The following MAGI1 variants were observed in gnomAD, a reference collection of about 807,000 sequenced individuals.
The protein encoded by MAGI1 is membrane associated guanylate kinase, WW and PDZ domain containing 1, also known as membrane-associated guanylate kinase, WW and PDZ domain-containing protein 1.
In MAGI1, 58 loss-of-function variants were observed where a neutral mutation model predicts 139.9. The observed-to-expected ratio is 0.41, with a 90% CI of 0.34 to 0.52. The LOEUF is 0.52. Ranked by LOEUF, MAGI1 falls within the 20% of genes least tolerant of loss-of-function variation. The pLI is 0.12. For missense variants in MAGI1, 1,874 were observed against 1,901.6 expected (o/e 0.99, Z 0.27); for synonymous variants, 812 against 737.9 (o/e 1.10, Z -1.63).
chr3:65,578,895 T>C (rs1253506384), intron 2 of MAGI1, among the ~76,000 whole-genome samples: 2 of 150,478 alleles, frequency 1.3e-5, no homozygotes, highest in African/African-American at 4.9e-5. Context: ...CAATCCAGCC[T>C]GGGTGACAGA....
intron 5 of MAGI1, among the ~76,000 whole-genome samples, chr3:65,463,788 C>T (rs1317859867): frequency 1.3e-5 from 2 of 152,054 alleles, no homozygotes; most frequent in Non-Finnish European, 2.9e-5. Flanking sequence ...TTATTAATTA[C>T]TGCCTCAATT....
intron 1 of MAGI1, among the ~76,000 whole-genome samples, chr3:65,674,588 TCAGA>T (rs1046159757): frequency 6.6e-6 from 1 of 152,312 alleles, no homozygotes; most frequent in Admixed American, 6.5e-5. Flanking sequence ...CTTTATGTTC[TCAGA>T]CAGTTTCAAC....
intron 1 of MAGI1, among the ~76,000 whole-genome samples, chr3:65,737,160 C>A (rs1441772799): frequency 6.6e-6 from 1 of 152,158 alleles, no homozygotes; most frequent in Non-Finnish European, 1.5e-5. Context: ...ACCGCCACCA[C>A]GCCTGGCTAA....
intron 16 of MAGI1, chr3:65,380,880 T>A (rs1351590538): frequency 1.3e-5 from 2 of 152,202 alleles, no homozygotes; most frequent in Admixed American, 6.5e-5. Flanking sequence ...GAATTTAACA[T>A]CTTAATTCTA....
intron 12 of MAGI1, among the ~76,000 whole-genome samples, chr3:65,426,022 G>T (rs1382489305): frequency 1.3e-4 from 20 of 152,148 alleles, no homozygotes; most frequent in Admixed American, 1.2e-3. Context: ...AAAATAGAAG[G>T]GTAAAAAGCA....
At chr3:65,576,483 C>A (rs941685260) in intron 2 of MAGI1, among the ~76,000 whole-genome samples, 2 of 152,166 alleles carry the variant, frequency 1.3e-5, no homozygotes, top group East Asian at 3.9e-4. Flanking sequence ...AATGGTGAAC[C>A]CGCTCTGCCA....
At chr3:65,871,601 A>T (rs941743624) in intron 1 of MAGI1, among the ~76,000 whole-genome samples, 16 of 152,236 alleles carry the variant, frequency 1.1e-4, no homozygotes, top group African/African-American at 3.9e-4. Context: ...GTACAGCTGG[A>T]AACACAGCAG....
intron 1 of MAGI1, among the ~76,000 whole-genome samples, chr3:65,802,625 C>G (rs536063699): frequency 6.6e-6 from 1 of 152,182 alleles, no homozygotes; most frequent in African/African-American, 2.4e-5. Flanking sequence ...GGTAGCAACA[C>G]TCAGGCAAGT....
intron 1 of MAGI1, among the ~76,000 whole-genome samples, chr3:65,946,539 G>A (rs192123753): frequency 3.3e-4 from 50 of 152,158 alleles, no homozygotes; most frequent in Admixed American, 7.9e-4. Flanking sequence ...CAGCATGGAC[G>A]AGAACAGCCA....
At chr3:65,884,967 T>G (rs1288190100) in intron 1 of MAGI1, among the ~76,000 whole-genome samples, 1 of 152,188 alleles carries the variant, frequency 6.6e-6, no homozygotes, top group Non-Finnish European at 1.5e-5. Context: ...TTCAGAGAGA[T>G]ATATAAGGCT....
intron 2 of MAGI1, among the ~76,000 whole-genome samples, chr3:65,508,523 C>G (rs2077402658): frequency 6.6e-6 from 1 of 151,938 alleles, no homozygotes; most frequent in Admixed American, 6.6e-5. Flanking sequence ...GAAATTGGGC[C>G]TTTTCAAACA....
intron 1 of MAGI1, among the ~76,000 whole-genome samples, chr3:65,869,558 A>G (rs922239329): frequency 1.3e-4 from 19 of 151,146 alleles, no homozygotes; most frequent in African/African-American, 4.6e-4. Flanking sequence ...CCGCCACCAC[A>G]CCCGGCTAAT....
chr3:65,409,928 A>G (rs1945651204), intron 12 of MAGI1, among the ~76,000 whole-genome samples: 2 of 152,254 alleles, frequency 1.3e-5, no homozygotes, highest in African/African-American at 2.4e-5. Flanking sequence ...TTACAGCTAC[A>G]GAGAAGTCTG....
At chr3:65,531,398 G>C (rs1478641094) in intron 2 of MAGI1, among the ~76,000 whole-genome samples, 1 of 152,060 alleles carries the variant, frequency 6.6e-6, no homozygotes, top group African/African-American at 2.4e-5. Flanking sequence ...CTCGGGTGAA[G>C]GGTACACAGG....
chr3:65,410,346 C>A (rs577100321), intron 12 of MAGI1, among the ~76,000 whole-genome samples: 2 of 152,184 alleles, frequency 1.3e-5, no homozygotes, highest in Non-Finnish European at 2.9e-5. Flanking sequence ...TCTTCTCATT[C>A]TGCAGAAGAG....
chr3:65,684,625 G>A (rs1298755452), intron 1 of MAGI1, among the ~76,000 whole-genome samples: 1 of 152,172 alleles, frequency 6.6e-6, no homozygotes, highest in East Asian at 1.9e-4. Flanking sequence ...AAAAAATTGT[G>A]TATAAATCTA....
intron 1 of MAGI1, among the ~76,000 whole-genome samples, chr3:66,026,678 G>A (rs1576507686): frequency 6.6e-6 from 1 of 151,662 alleles, no homozygotes; most frequent in Admixed American, 6.6e-5. Flanking sequence ...TAGAGAGAGG[G>A]CACACGGGAG....
At chr3:65,637,408 G>A (rs1476326846) in intron 1 of MAGI1, among the ~76,000 whole-genome samples, 1 of 151,884 alleles carries the variant, frequency 6.6e-6, no homozygotes, top group East Asian at 1.9e-4. Flanking sequence ...TAAAAAATTA[G>A]CCAGGTATGG....
chr3:65,357,163 G>A (rs1940251668), intron 22 of MAGI1, 31 bp from the exon 23 acceptor site: 2 of 1,572,172 alleles, frequency 1.3e-6, no homozygotes, highest in African/African-American at 2.7e-5. Context: ...AGCAACAGTT[G>A]GGTACGAAGG....
Sources: allele counts gnomAD v4.1 joint callset (sites outside exome capture counted in the v4.1 genomes callset), GRCh38; gene constraint gnomAD v4.1.1; transcripts MANE v1.5; gene names NCBI Gene and HGNC (gene_info 2026-07-23, HGNC 2026-07-21).